Variants in BCAS3 observed in about 807,000 individuals in gnomAD.
BCAS3 encodes the protein BCAS4/BCAS3 fusion.
In BCAS3, 53 loss-of-function variants were observed where a neutral mutation model predicts 116.1. That is an observed-to-expected ratio of 0.46 (90% CI 0.37 to 0.57). The LOEUF (loss-of-function observed/expected upper bound fraction) is 0.57, where lower values mean the gene tolerates loss of function less well. Ranked by LOEUF, BCAS3 falls within the 20% of genes least tolerant of loss-of-function variation. The pLI is 0.00. For missense variants in BCAS3, 917 were observed against 1,165.4 expected (o/e 0.79, Z 3.10); for synonymous variants, 391 against 408.2 (o/e 0.96, Z 0.51).
rs554861976 is a variant in BCAS3, at chr17:60,812,638, A to G, written c.476+4562A>G. On this transcript the variant is annotated intron_variant, in intron 7 of 23. Transcript: ENST00000407086. ...CTCTGCTTTTAGGTAGATAAAGTAT[A>G]CTAGGAACTTGAGTGCTATCAACAA... is the stretch of plus-strand genomic sequence containing the variant. Among the ~76,000 whole-genome samples the G allele has an allele frequency of 6.6e-5, 10 of 152,308 alleles. No individual in the cohort carries two copies. The East Asian group carries it at 1.9e-3, about 29-fold the overall frequency.
At chr17:61,320,341 C>G (rs538242112) in intron 22 of BCAS3, among the ~76,000 whole-genome samples, 1 of 152,212 alleles carries the variant, frequency 6.6e-6, no homozygotes, top group East Asian at 1.9e-4. Context: ...CTGGGTTCCT[C>G]ACTCATCTCT....
At chr17:60,923,612 C>T (rs1298616145) in intron 12 of BCAS3, among the ~76,000 whole-genome samples, 2 of 152,116 alleles carry the variant, frequency 1.3e-5, no homozygotes, top group East Asian at 3.8e-4. Context: ...AATCAAATTT[C>T]TCTGTGTCTA....
At chr17:61,079,352 CTTCT>C (rs2072333347) in intron 21 of BCAS3, among the ~76,000 whole-genome samples, 1 of 152,016 alleles carries the variant, frequency 6.6e-6, no homozygotes. Context: ...ACGTTTTTGT[CTTCT>C]TTGTCAGTAA....
rs372539551 is a variant in BCAS3, at chr17:61,185,675, A to G, written c.2425+101111A>G. On this transcript the variant is annotated intron_variant, in intron 22 of 23. Coordinates refer to ENST00000407086, the MANE Select transcript of BCAS3 (RefSeq NM_017679.5). Reference sequence around the variant, plus strand: ...GCAAGACAGAAAAAAAAATCCTTTCACAAATCACTGTTATCCTCTCTCTGA... The same window carrying G: ...GCAAGACAGAAAAAAAAATCCTTTCGCAAATCACTGTTATCCTCTCTCTGA... 1.4e-3 allele frequency among the ~76,000 whole-genome samples: 220 copies of G among 152,302 alleles called. 2 individuals are homozygous for G. The highest frequency in any genetic ancestry group is 4.5e-3 in the African/African-American group (186 of 41,566).
intron 7 of BCAS3, among the ~76,000 whole-genome samples, chr17:60,844,986 A>G (rs1430900986): frequency 6.6e-6 from 1 of 152,132 alleles, no homozygotes; most frequent in South Asian, 2.1e-4. Context: ...TCTCAGCACT[A>G]TAGGAGGCCG....
rs2047110587 is a variant in BCAS3, at chr17:60,795,242, A to G, written c.404-12762A>G. Among the ~76,000 whole-genome samples the G allele has an allele frequency of 4.6e-5, 7 of 152,142 alleles. No homozygotes were observed. In the South Asian group the frequency reaches 1.4e-3, roughly 31 times the overall value. ...TTGGTCGCTGTTGGTGTATAGAAGAACTACTGATTTGTGTATATTAATTTT... is the reference window on the plus strand; with the variant it reads ...TTGGTCGCTGTTGGTGTATAGAAGAGCTACTGATTTGTGTATATTAATTTT... On this transcript the variant is annotated intron_variant, in intron 6 of 23. Transcript: ENST00000407086.
chr17:61,044,368 G>A (rs1171216700), intron 19 of BCAS3, among the ~76,000 whole-genome samples: 10 of 150,066 alleles, frequency 6.7e-5, no homozygotes, highest in African/African-American at 2.5e-4. Context: ...AATGGCGTGA[G>A]CCTGGGAGGC....
chr17:60,878,013 CTTT>C (rs11345486), intron 9 of BCAS3, among the ~76,000 whole-genome samples: 2 of 132,538 alleles, frequency 1.5e-5, no homozygotes, highest in Admixed American at 7.4e-5. Context: ...CTTTTTTTTT[CTTT>C]TTTTTTTTTT....
intron 22 of BCAS3, among the ~76,000 whole-genome samples, chr17:61,138,911 G>A (rs1473334098): frequency 3.3e-5 from 5 of 152,028 alleles, no homozygotes; most frequent in African/African-American, 9.7e-5. Context: ...ATTATAATAA[G>A]TTGATAGGTT....
intron 6 of BCAS3, among the ~76,000 whole-genome samples, chr17:60,773,172 T>TA (rs1382626671): frequency 2.0e-5 from 3 of 152,138 alleles, no homozygotes; most frequent in South Asian, 4.1e-4. Context: ...TGTGCATTAG[T>TA]ATCTTGTTGT....
intron 22 of BCAS3, among the ~76,000 whole-genome samples, chr17:61,342,823 C>T (rs2057263451): frequency 6.6e-6 from 1 of 150,912 alleles, no homozygotes; most frequent in Non-Finnish European, 1.5e-5. Context: ...GGGATCTCGA[C>T]TCTGTAACCC....
At chr17:60,798,342 C>T (rs1278582938) in intron 6 of BCAS3, among the ~76,000 whole-genome samples, 3 of 152,146 alleles carry the variant, frequency 2.0e-5, no homozygotes, top group African/African-American at 7.2e-5. Context: ...TCCTTAAATT[C>T]CTCTGTGCTC....
At chr17:60,767,199 C>T (rs561310397) in intron 6 of BCAS3, among the ~76,000 whole-genome samples, 2 of 152,276 alleles carry the variant, frequency 1.3e-5, no homozygotes, top group African/African-American at 4.8e-5. Flanking sequence ...CCGTGGGCTG[C>T]ACCCACTGTC....
intron 22 of BCAS3, among the ~76,000 whole-genome samples, chr17:61,329,065 T>C (rs1207279901): frequency 4.0e-5 from 6 of 151,232 alleles, no homozygotes; most frequent in Non-Finnish European, 5.9e-5. Context: ...CGGCTAGTTT[T>C]TTGTATTTTT....
At position 61,363,165 on chromosome 17, in the gene BCAS3, G is replaced by A. The variant is rs1603058479; in HGVS notation, c.2426-5162G>A. Among the ~76,000 whole-genome samples, 1 of 152,132 alleles carries A rather than the reference G, an allele frequency of 6.6e-6. No homozygotes were observed. Among genetic ancestry groups the A allele is most frequent in the East Asian group, 1.9e-4 (1 of 5,188 alleles). On this transcript the variant is annotated intron_variant, in intron 22 of 23. Coordinates refer to ENST00000407086, the MANE Select transcript of BCAS3 (RefSeq NM_017679.5). The surrounding 1 kb of genome is among the most constrained non-coding windows in gnomAD (Gnocchi z 4.9). ...CACAGGAATGATCTAATTAACCTGGGGTCCACAGGTGGGTTTCAGAGGCAT... is the reference window on the plus strand; with the variant it reads ...CACAGGAATGATCTAATTAACCTGGAGTCCACAGGTGGGTTTCAGAGGCAT...
chr17:60,703,874 G>A (rs1265595554), intron 4 of BCAS3, among the ~76,000 whole-genome samples: 15 of 148,142 alleles, frequency 1.0e-4, no homozygotes, highest in South Asian at 2.1e-4. Context: ...AGATCATGCC[G>A]CTGCACTCCA....
intron 7 of BCAS3, among the ~76,000 whole-genome samples, chr17:60,825,369 C>T (rs1381252301): frequency 6.6e-6 from 1 of 151,026 alleles, no homozygotes; most frequent in Non-Finnish European, 1.5e-5. Flanking sequence ...TAACATAGGC[C>T]ACCTTGTGCT....
At chr17:61,170,150 G>A (rs752188841) in intron 22 of BCAS3, among the ~76,000 whole-genome samples, 5 of 151,938 alleles carry the variant, frequency 3.3e-5, no homozygotes, top group African/African-American at 7.2e-5. Context: ...CACCGCGCCC[G>A]GCTAACATTT....
At chr17:60,766,109 G>A (rs1369913511) in intron 6 of BCAS3, among the ~76,000 whole-genome samples, 2 of 152,026 alleles carry the variant, frequency 1.3e-5, no homozygotes. Context: ...AAGGTTTTTA[G>A]CTTCCTTGCG....
Sources: allele counts gnomAD v4.1 joint callset (sites outside exome capture counted in the v4.1 genomes callset), GRCh38; gene constraint gnomAD v4.1.1; non-coding constraint Gnocchi (gnomAD v3.1); transcripts MANE v1.5; gene names NCBI Gene and HGNC (gene_info 2026-07-23, HGNC 2026-07-21).